The following LZTS1 variants were observed in gnomAD, a reference collection of about 807,000 sequenced individuals.
LZTS1 encodes leucine zipper tumor suppressor 1.
LZTS1 carries 31 observed loss-of-function variants against 45.8 expected under a neutral mutation model. The observed-to-expected ratio is 0.68, with a 90% CI of 0.51 to 0.91. The LOEUF (loss-of-function observed/expected upper bound fraction) is 0.91, where lower values mean the gene tolerates loss of function less well. Among genes scored for constraint, LZTS1 ranks in the 40% least tolerant of loss-of-function variants. The probability of loss-of-function intolerance (pLI) is 0.00; values close to 1 mark genes in which losing one functional copy is unlikely to be tolerated. For missense variants in LZTS1, 821 were observed against 788.9 expected (o/e 1.04, Z -0.49); for synonymous variants, 359 against 357.3 (o/e 1.00, Z -0.05).
At chr8:20,296,643 C>T (rs539144755) in intron 1 of LZTS1, among the ~76,000 whole-genome samples, 4 of 152,282 alleles carry the variant, frequency 2.6e-5, no homozygotes, top group Admixed American at 6.5e-5. Flanking sequence ...CAAGAAAGCA[C>T]GTCTCAGAGG....
chr8:20,249,623 C>A lies in LZTS1; in HGVS notation c.*99G>T, dbSNP rs1023245359. On this transcript the variant is annotated 3_prime_UTR_variant, in exon 4 of 4. Transcript: ENST00000381569. ...CCTGGGTCTGTGTCCCAGGGAGTGG[C>A]GTCTCTCAGAGGGGTCTGAATTGCT... The A allele has an allele frequency of 2.1e-6, 3 of 1,422,494 alleles. No homozygotes were observed. Among genetic ancestry groups the A allele is most frequent in the Non-Finnish European group, 2.8e-6 (3 of 1,062,066 alleles). 88.1% of individuals were successfully genotyped at this position (1,422,494 alleles called of 1,614,324 possible).
intron 1 of LZTS1, among the ~76,000 whole-genome samples, chr8:20,278,341 C>T (rs1029755074): frequency 2.0e-5 from 3 of 152,184 alleles, no homozygotes; most frequent in East Asian, 1.9e-4. Context: ...AGTAAACCCA[C>T]GGTGCAGGTA....
chr8:20,295,890 A>G (rs1800970937), intron 1 of LZTS1, among the ~76,000 whole-genome samples: 2 of 152,108 alleles, frequency 1.3e-5, no homozygotes, highest in African/African-American at 4.8e-5. Context: ...GTCACCAGGG[A>G]AAGGTGCTGG....
chr8:20,251,348 G>C (rs1487872969), intron 3 of LZTS1, among the ~76,000 whole-genome samples: 1 of 151,676 alleles, frequency 6.6e-6, no homozygotes, highest in East Asian at 1.9e-4. Context: ...TGAAATTCTT[G>C]GTCCCAAGCA....
At chr8:20,292,081 C>T (rs1800909491) in intron 1 of LZTS1, among the ~76,000 whole-genome samples, 1 of 152,230 alleles carries the variant, frequency 6.6e-6, no homozygotes, top group Non-Finnish European at 1.5e-5. Context: ...ACTGCTACAG[C>T]TTTGTCCCCT....
rs1799798080 is a variant in LZTS1 at position 20,248,558 on chromosome 8, T to C, written c.*1164A>G. 1 of 152,170 alleles carries C rather than the reference T, an allele frequency of 6.6e-6. No homozygotes were observed. Among genetic ancestry groups the C allele is most frequent in the Non-Finnish European group, 1.5e-5 (1 of 68,164 alleles). 9.4% of individuals were successfully genotyped at this position (152,170 alleles called of 1,614,324 possible). ...CTATTCACACTGCTGTGTGTATGCC[T>C]CTTTTTCGTCCTGCTTGGGGCTCTG... On this transcript the variant is annotated 3_prime_UTR_variant, in exon 4 of 4. Transcript: ENST00000381569.
At chr8:20,300,622 G>A (rs1257246641) in intron 1 of LZTS1, among the ~76,000 whole-genome samples, 1 of 152,052 alleles carries the variant, frequency 6.6e-6, no homozygotes, top group Non-Finnish European at 1.5e-5. Context: ...GTGAGCCACA[G>A]CGCCCCGCCG....
intron 1 of LZTS1, among the ~76,000 whole-genome samples, chr8:20,270,797 CTCTGTGTGTGTGTGTG>C (rs1490436056): frequency 3.0e-5 from 3 of 99,326 alleles, no homozygotes; most frequent in Non-Finnish European, 4.6e-5. Context: ...CGAGTGTGTC[CTCTGTGTGTGTGTGTG>C]TGTGTGTGTG....
intron 1 of LZTS1, among the ~76,000 whole-genome samples, chr8:20,277,129 C>A (rs1158771813): frequency 6.6e-6 from 1 of 152,150 alleles, no homozygotes; most frequent in African/African-American, 2.4e-5. Context: ...AAGAAGCAGG[C>A]CAAAACCTAC....
chr8:20,253,223 A>G lies in LZTS1; in HGVS notation c.708T>C (p.Gly236=). 6.2e-7 allele frequency: 1 copy of G among 1,613,868 alleles called. No individual in the cohort carries two copies. The highest frequency in any genetic ancestry group is 8.5e-7 in the Non-Finnish European group (1 of 1,180,038). ...SLKALSFSDG[G]SKLGHSNKAD... ...CCTTGTTCGAGTGGCCCAGCTTGCT[A>G]CCTCCGTCGGAGAAGGACAGAGCCT... The change falls in exon 3 of 4, where the codon GGT becomes GGC. Residue 236 remains glycine (G), a synonymous_variant. Coordinates refer to ENST00000381569, the MANE Select transcript of LZTS1 (RefSeq NM_021020.5).
chr8:20,247,289 T>G lies in LZTS1; in HGVS notation c.*2433A>C, dbSNP rs1460509251. 6.6e-6 allele frequency: 1 copy of G among 151,966 alleles called. No homozygotes were observed. Among genetic ancestry groups the G allele is most frequent in the East Asian group, 1.9e-4 (1 of 5,162 alleles). 9.4% of individuals were successfully genotyped at this position (151,966 alleles called of 1,614,324 possible). On this transcript the variant is annotated 3_prime_UTR_variant, in exon 4 of 4. Transcript: ENST00000381569. ...GCCTTCCCCTGGGTGTGGCAGCCAC[T>G]TCTTCTCAGGCAACGTCTGAGGCAG...
At chr8:20,292,796 T>C (rs1298708438) in intron 1 of LZTS1, among the ~76,000 whole-genome samples, 1 of 152,176 alleles carries the variant, frequency 6.6e-6, no homozygotes, top group Non-Finnish European at 1.5e-5. Context: ...CACAGCACGT[T>C]AGTAGAAAGA....
chr8:20,296,698 C>T (rs777000339), intron 1 of LZTS1, among the ~76,000 whole-genome samples: 14 of 152,040 alleles, frequency 9.2e-5, no homozygotes, highest in East Asian at 1.9e-4. Context: ...CGTGTGTGTG[C>T]GTGTGTATGT....
Position 20,250,059 on chromosome 8 carries a change from G to A in LZTS1, c.1454C>T (p.Ala485Val), listed in dbSNP as rs1799848834. ...LQELRAQAAL[A>V]RDMGPPTFPE... is the part of the protein sequence containing the mutation. ...GAAGGTGGGCGGCCCCATGTCGCGG[G>A]CCAGGGCGGCCTGGGCCCGCAGCTC... is the stretch of plus-strand genomic sequence containing the variant. The change falls in exon 4 of 4, where the codon GCC (alanine) becomes GTC (valine). Residue 485 changes from alanine (A) to valine (V), a missense_variant. By Grantham distance (64) the Ala-to-Val change is moderately conservative. Coordinates refer to ENST00000381569, the MANE Select transcript of LZTS1 (RefSeq NM_021020.5). The A allele has an allele frequency of 1.2e-6, 2 of 1,607,618 alleles. No individual in the cohort carries two copies. The highest frequency in any genetic ancestry group is 1.7e-6 in the Non-Finnish European group (2 of 1,179,064).
rs182364033 is a variant in LZTS1 at position 20,256,708 on chromosome 8, A to G, written c.-134-1393T>C. Among the ~76,000 whole-genome samples, 70 of 152,356 alleles carry G rather than the reference A, an allele frequency of 4.6e-4. No individual in the cohort carries two copies. The East Asian group carries it at 0.012, about 26-fold the overall frequency. ...AGGGAGTGAGCGAAAGAGAGGAGTCAGGGACAATGCCAAAGAGAGGAGTTT... is the reference window on the plus strand; with the variant it reads ...AGGGAGTGAGCGAAAGAGAGGAGTCGGGGACAATGCCAAAGAGAGGAGTTT... On this transcript the variant is annotated intron_variant, in intron 1 of 3. Coordinates refer to ENST00000381569, the MANE Select transcript of LZTS1 (RefSeq NM_021020.5).
At chr8:20,279,806 G>A (rs1429462450) in intron 1 of LZTS1, among the ~76,000 whole-genome samples, 2 of 151,510 alleles carry the variant, frequency 1.3e-5, no homozygotes, top group Non-Finnish European at 2.9e-5. Flanking sequence ...GGGAAACATG[G>A]TGAGACCCCA....
intron 1 of LZTS1, among the ~76,000 whole-genome samples, chr8:20,291,389 T>A (rs1800899068): frequency 6.6e-6 from 1 of 152,234 alleles, no homozygotes; most frequent in Non-Finnish European, 1.5e-5. Flanking sequence ...CATGCCTGGT[T>A]TCCTCCCTTT....
At chr8:20,298,062 GTTTTTTATTTAT>G (rs1425352474) in intron 1 of LZTS1, among the ~76,000 whole-genome samples, 1 of 151,234 alleles carries the variant, frequency 6.6e-6, no homozygotes, top group Non-Finnish European at 1.5e-5. Flanking sequence ...CTTTTTTTTT[GTTTTTTATTTAT>G]TTTTTGAGAC....
chr8:20,296,105 C>T (rs1033956462), intron 1 of LZTS1, among the ~76,000 whole-genome samples: 2 of 152,194 alleles, frequency 1.3e-5, no homozygotes, highest in African/African-American at 4.8e-5. Flanking sequence ...ACCAATTTAG[C>T]AGTCCATGGT....
Sources: allele counts gnomAD v4.1 joint callset (sites outside exome capture counted in the v4.1 genomes callset), GRCh38; gene constraint gnomAD v4.1.1; transcripts MANE v1.5; gene names NCBI Gene and HGNC (gene_info 2026-07-23, HGNC 2026-07-21).